The following CNTN5 variants were observed in gnomAD, a reference collection of about 807,000 sequenced individuals.
CNTN5 encodes the protein contactin 5.
In CNTN5, 77 loss-of-function variants were observed where a neutral mutation model predicts 129.1. That is an observed-to-expected ratio of 0.60 (90% CI 0.50 to 0.72). The LOEUF (loss-of-function observed/expected upper bound fraction) is 0.72. Ranked by LOEUF, CNTN5 falls within the 30% of genes least tolerant of loss-of-function variation. The probability of loss-of-function intolerance (pLI) is 0.00; values close to 1 mark genes in which losing one functional copy is unlikely to be tolerated. For missense variants in CNTN5, 1,478 were observed against 1,328.8 expected (o/e 1.11, Z -1.75); for synonymous variants, 509 against 465.6 (o/e 1.09, Z -1.20).
chr11:99,510,861 C>G (rs967771400), intron 2 of CNTN5, among the ~76,000 whole-genome samples: 1 of 152,068 alleles, frequency 6.6e-6, no homozygotes, highest in Non-Finnish European at 1.5e-5. Context: ...GAGTGTAAAA[C>G]AGCCTTAGGC....
chr11:99,236,531 A>C (rs957535283), intron 1 of CNTN5, among the ~76,000 whole-genome samples: 1 of 151,922 alleles, frequency 6.6e-6, no homozygotes, highest in Non-Finnish European at 1.5e-5. Context: ...AATGGGGCTC[A>C]AAATCTGCTT....
intron 3 of CNTN5, among the ~76,000 whole-genome samples, chr11:99,628,977 C>T (rs566145437): frequency 1.3e-5 from 2 of 152,110 alleles, no homozygotes; most frequent in South Asian, 4.1e-4. Context: ...GTAGACTCAG[C>T]ACATATTCAC....
chr11:99,263,788 T>G (rs894194218), intron 1 of CNTN5, among the ~76,000 whole-genome samples: 1 of 146,458 alleles, frequency 6.8e-6, no homozygotes, highest in Non-Finnish European at 1.5e-5. Context: ...TGCCCAGCTA[T>G]TAATTTTTTT....
intron 13 of CNTN5, among the ~76,000 whole-genome samples, chr11:100,094,943 C>A (rs1226618152): frequency 6.6e-6 from 1 of 152,116 alleles, no homozygotes; most frequent in African/African-American, 2.4e-5. Context: ...GTCAAGACTT[C>A]ACATAGAAAT....
At chr11:100,066,566 C>T (rs766567714) in intron 10 of CNTN5, among the ~76,000 whole-genome samples, 22 of 152,024 alleles carry the variant, frequency 1.4e-4, no homozygotes, top group Non-Finnish European at 2.2e-4. Context: ...TACATAAGTA[C>T]GGTGCATCTG....
intron 1 of CNTN5, among the ~76,000 whole-genome samples, chr11:99,284,072 T>C (rs373115054): frequency 1.2e-4 from 19 of 152,268 alleles, no homozygotes; most frequent in African/African-American, 4.3e-4. Context: ...ATTGACTCTA[T>C]ACACATTCCA....
rs573016211 is a variant in CNTN5, at chr11:99,640,302, A to T, written c.55+84033A>T. Among the ~76,000 whole-genome samples the T allele has an allele frequency of 3.3e-5, 5 of 152,320 alleles. No homozygotes were observed. In the South Asian group the frequency reaches 8.3e-4, roughly 25 times the overall value. Reference sequence around the variant, plus strand: ...GTTTTCACCCTGCTGATAAATTCATATACAAAACTGGGAAACAAAAATTTA... The same window carrying T: ...GTTTTCACCCTGCTGATAAATTCATTTACAAAACTGGGAAACAAAAATTTA... On this transcript the variant is annotated intron_variant, in intron 3 of 24. Coordinates refer to ENST00000524871, the MANE Select transcript of CNTN5 (RefSeq NM_014361.4).
chr11:99,375,120 T>C (rs1341697645), intron 2 of CNTN5, among the ~76,000 whole-genome samples: 4 of 151,804 alleles, frequency 2.6e-5, no homozygotes, highest in African/African-American at 7.3e-5. Context: ...CTGGCCAACA[T>C]GGTGAAACTC....
At chr11:99,454,761 A>C (rs1944434924) in intron 2 of CNTN5, among the ~76,000 whole-genome samples, 1 of 152,288 alleles carries the variant, frequency 6.6e-6, no homozygotes, top group East Asian at 1.9e-4. Flanking sequence ...GAAATACCTG[A>C]TAACATTATA....
intron 21 of CNTN5, chr11:100,337,349 C>G: frequency 1.2e-6 from 1 of 839,998 alleles, no homozygotes; most frequent in Non-Finnish European, 2.1e-6. Flanking sequence ...GATCGATGCA[C>G]ACATGATCAC....
chr11:99,837,747 A>G (rs903007633), intron 4 of CNTN5, among the ~76,000 whole-genome samples: 3 of 151,716 alleles, frequency 2.0e-5, no homozygotes, highest in Admixed American at 1.3e-4. Flanking sequence ...TTAAAATTAC[A>G]CTAATATAAT....
chr11:99,820,786 A>AT (rs1371063626), intron 4 of CNTN5, among the ~76,000 whole-genome samples: 1 of 152,242 alleles, frequency 6.6e-6, no homozygotes, highest in East Asian at 1.9e-4. Flanking sequence ...ATCAACAATG[A>AT]TTTTAAGACT....
At chr11:99,679,809 G>T (rs910915989) in intron 3 of CNTN5, among the ~76,000 whole-genome samples, 1 of 152,204 alleles carries the variant, frequency 6.6e-6, no homozygotes, top group African/African-American at 2.4e-5. Context: ...TGAAAGCTAG[G>T]CCTCTTGCAT....
intron 2 of CNTN5, among the ~76,000 whole-genome samples, chr11:99,510,199 A>T (rs948295615): frequency 1.3e-5 from 2 of 152,092 alleles, no homozygotes; most frequent in Non-Finnish European, 2.9e-5. Flanking sequence ...AAAATGGGGC[A>T]ACAAGTATAT....
At chr11:99,647,764 A>G (rs1409705865) in intron 3 of CNTN5, among the ~76,000 whole-genome samples, 2 of 151,128 alleles carry the variant, frequency 1.3e-5, no homozygotes, top group Non-Finnish European at 3.0e-5. Flanking sequence ...TACCTCCATC[A>G]TTAAATTTAT....
intron 1 of CNTN5, among the ~76,000 whole-genome samples, chr11:99,163,934 C>T (rs1019055575): frequency 6.6e-6 from 1 of 152,096 alleles, no homozygotes; most frequent in Non-Finnish European, 1.5e-5. Flanking sequence ...TGTCTTGTTG[C>T]AAATTTATTG....
At position 100,034,885 on chromosome 11, in the gene CNTN5, C is replaced by T. The variant is rs183889425; in HGVS notation, c.981-26327C>T. 3.4e-3 allele frequency among the ~76,000 whole-genome samples: 518 copies of T among 152,050 alleles called. 3 individuals are homozygous for T. The highest frequency in any genetic ancestry group is 0.012 in the African/African-American group (486 of 41,386). ...AGGTTGATTTTTGTAGTACTTCATACTTACCCTTGTCTTCCTCTTCAGCCT... is the reference window on the plus strand; with the variant it reads ...AGGTTGATTTTTGTAGTACTTCATATTTACCCTTGTCTTCCTCTTCAGCCT... On this transcript the variant is annotated intron_variant, in intron 9 of 24. Transcript: ENST00000524871.
chr11:99,853,482 C>T (rs1947940527), intron 6 of CNTN5, among the ~76,000 whole-genome samples: 2 of 152,112 alleles, frequency 1.3e-5, no homozygotes, highest in South Asian at 2.1e-4. Context: ...TCACTGCAAC[C>T]TCCGCCTCCC....
At chr11:99,198,761 T>G (rs1859027729) in intron 1 of CNTN5, among the ~76,000 whole-genome samples, 1 of 152,142 alleles carries the variant, frequency 6.6e-6, no homozygotes, top group Non-Finnish European at 1.5e-5. Context: ...ACTTTCTGGT[T>G]GAGAAGGGAG....
Sources: allele counts gnomAD v4.1 joint callset (sites outside exome capture counted in the v4.1 genomes callset), GRCh38; gene constraint gnomAD v4.1.1; transcripts MANE v1.5; gene names NCBI Gene and HGNC (gene_info 2026-07-23, HGNC 2026-07-21).